The following FUBP1 variants were observed in gnomAD, a reference collection of about 807,000 sequenced individuals.
FUBP1 encodes the protein far upstream element-binding protein 1.
A neutral mutation model predicts 94.9 loss-of-function variants in FUBP1; 16 were observed. The observed-to-expected ratio is 0.17, with a 90% CI of 0.11 to 0.26. The LOEUF is 0.26. FUBP1 is among the 10% of genes least tolerant of loss of function. The pLI is 1.00. For synonymous variants in FUBP1, 279 were observed against 254.9 expected (o/e 1.09, Z -0.90); for missense variants, 583 against 808.6 (o/e 0.72, Z 3.38).
rs985923909 is a variant in FUBP1 at position 77,954,116 on chromosome 1, G to A, written c.1780+1139C>T. Among the ~76,000 whole-genome samples, 7 of 152,084 alleles carry A rather than the reference G, an allele frequency of 4.6e-5. 1 individual carries two copies. In the East Asian group the frequency reaches 1.2e-3, roughly 25 times the overall value. ...GCTGGGACTACAAGTGTGTGCCACC[G>A]CACGTGGCTCATGCTCAAGTCTTTT... On this transcript the variant is annotated intron_variant, in intron 18 of 19. Transcript: ENST00000370768.
Position 77,978,874 on chromosome 1 carries a change from T to C in FUBP1, c.120+11A>G, listed in dbSNP as rs1210236348. The C allele has an allele frequency of 6.2e-7, 1 of 1,613,836 alleles. No homozygotes were observed. Among genetic ancestry groups the C allele is most frequent in the Non-Finnish European group, 8.5e-7 (1 of 1,179,992 alleles). On this transcript the variant is annotated intron_variant, in intron 1 of 19. Coordinates refer to ENST00000370768, the MANE Select transcript of FUBP1 (RefSeq NM_003902.5). ...GAGCTTTCGGGATTCCGCCGCGCGG[T>C]CCACACTTACCTGCCGGGCTCTCTG...
In FUBP1 at chr1:77,964,928, G is replaced by A. The variant is rs953338703; in HGVS notation, c.677C>T (p.Pro226Leu). Residue 226 changes from proline (P) to leucine (L), a missense_variant, in exon 9 of 20, where the codon CCG becomes CTG. Coordinates refer to ENST00000370768, the MANE Select transcript of FUBP1 (RefSeq NM_003902.5). ...AGGTTTGTCAGCACCAGTGTTCTGC[G>A]GCCCGTCTTGAATCATAACCATTTT... ...GVKMVMIQDG[P>L]QNTGADKPLR... The A allele has an allele frequency of 5.0e-6, 8 of 1,612,314 alleles. No individual in the cohort carries two copies. Among genetic ancestry groups the A allele is most frequent in the East Asian group, 2.2e-5 (1 of 44,888 alleles).
chr1:77,971,049 A>C (rs1386120573), intron 1 of FUBP1, among the ~76,000 whole-genome samples: 9 of 151,982 alleles, frequency 5.9e-5, no homozygotes, highest in African/African-American at 2.2e-4. Context: ...ACAAAACAAA[A>C]AAAATAAAAA....
At chr1:77,948,997 C>A in intron 19 of FUBP1, 158 bp downstream of exon 19, 3 of 921,944 alleles carry the variant, frequency 3.3e-6, no homozygotes, top group African/African-American at 1.7e-5. Flanking sequence ...TTATAAAAAA[C>A]AAAAAAACCC....
intron 14 of FUBP1, among the ~76,000 whole-genome samples, chr1:77,961,512 T>C (rs878887672): frequency 6.6e-6 from 1 of 152,186 alleles, no homozygotes; most frequent in Admixed American, 6.5e-5. Context: ...ACATGAACAT[T>C]CATTTAATCC....
At chr1:77,958,477 TATA>T (rs760389761) in intron 16 of FUBP1, among the ~76,000 whole-genome samples, 4 of 152,340 alleles carry the variant, frequency 2.6e-5, no homozygotes, top group East Asian at 1.9e-4. Flanking sequence ...TTTTAGTTCA[TATA>T]ATATTAAAAC....
chr1:77,954,106 G>T (rs1057129603), intron 18 of FUBP1, among the ~76,000 whole-genome samples: 1 of 152,166 alleles, frequency 6.6e-6, no homozygotes, highest in Non-Finnish European at 1.5e-5. Context: ...GACTACAAGT[G>T]TGTGCCACCG....
Position 77,947,364 on chromosome 1 carries a change from T to G in FUBP1, c.*1402A>C. 2.1e-6 allele frequency: 1 copy of G among 468,284 alleles called. No individual in the cohort carries two copies. The highest frequency in any genetic ancestry group is 4.2e-6 in the Non-Finnish European group (1 of 238,750). The allele number at this position is 468,284 out of a possible 1,614,324, so 29.0% of individuals were successfully genotyped here. On this transcript the variant is annotated 3_prime_UTR_variant, in exon 20 of 20. Transcript: ENST00000370768. ...ATCAGCACTGTATTCCAACATAATA[T>G]TCACACAACGTATGGCATTTGCATT...
At chr1:77,969,205 G>C in intron 2 of FUBP1, 1 of 286,724 alleles carries the variant, frequency 3.5e-6, no homozygotes, top group Non-Finnish European at 7.6e-6. Flanking sequence ...AGGAAACCAA[G>C]TTCTCCTGGT....
At chr1:77,953,187 G>A (rs1410758801) in intron 18 of FUBP1, among the ~76,000 whole-genome samples, 1 of 150,424 alleles carries the variant, frequency 6.6e-6, no homozygotes, top group Admixed American at 6.7e-5. Context: ...AATCTGTTTT[G>A]CTCATAAAAT....
At chr1:77,976,646 AC>A (rs1461927953) in intron 1 of FUBP1, among the ~76,000 whole-genome samples, 2 of 152,128 alleles carry the variant, frequency 1.3e-5, no homozygotes, top group East Asian at 3.9e-4. Flanking sequence ...GGCACAGGCC[AC>A]CAAGCCCGGC....
chr1:77,968,342 A>G, intron 2 of FUBP1, 139 bp from the exon 3 acceptor site: 1 of 606,674 alleles, frequency 1.6e-6, no homozygotes, highest in Non-Finnish European at 2.9e-6. Flanking sequence ...AACTGCCAAA[A>G]TTCAACCCCA....
rs936903824 is a variant in FUBP1, at chr1:77,962,919, T to C, written c.1195A>G (p.Ile399Val). 1 of 1,611,598 alleles carries C rather than the reference T, an allele frequency of 6.2e-7. No individual in the cohort carries two copies. Among genetic ancestry groups the C allele is most frequent in the East Asian group, 2.2e-5 (1 of 44,842 alleles). ...CCAGACTGCTGGCTTATGCTTTTTA[T>C]GGTTTCACCTCCTAAAATCAAAAGA... The part of the protein sequence containing the change: ...GLIIGKGGET[I>V]KSISQQSGAR... Residue 399 changes from isoleucine to valine, a missense_variant, in exon 14 of 20, where the codon ATA (isoleucine) becomes GTA (valine). Transcript: ENST00000370768.
rs368288620 is a variant in FUBP1, at chr1:77,956,555, A to G, written c.1705+17T>C. 96 of 1,603,824 alleles carry G rather than the reference A, an allele frequency of 6.0e-5. No homozygotes were observed. Among genetic ancestry groups the G allele is most frequent in the South Asian group, 1.4e-4 (13 of 90,408 alleles). ...GCACAACTTTTGGCTTTCACATACAATAAGTTCTGTAGTTACCTTGTCCAT... is the reference window on the plus strand; with the variant it reads ...GCACAACTTTTGGCTTTCACATACAGTAAGTTCTGTAGTTACCTTGTCCAT... On this transcript the variant is annotated intron_variant, in intron 17 of 19. Coordinates refer to ENST00000370768, the MANE Select transcript of FUBP1 (RefSeq NM_003902.5).
chr1:77,970,534 A>G (rs1453785521), intron 1 of FUBP1, among the ~76,000 whole-genome samples: 1 of 152,214 alleles, frequency 6.6e-6, no homozygotes, highest in Non-Finnish European at 1.5e-5. Context: ...TATATTAAGC[A>G]CATGCAAAGG....
In FUBP1 at chr1:77,964,763, T is replaced by G. The variant is rs755036225; in HGVS notation, c.736-16A>C. ...CCTTGGCTTGCTAAAGCAGAAAAAG[T>G]TAGCTAATTTAGAAAGCATGTCTCA... On this transcript the variant is annotated splice_polypyrimidine_tract_variant and intron_variant, in intron 9 of 19. Coordinates refer to ENST00000370768, the MANE Select transcript of FUBP1 (RefSeq NM_003902.5). 3 of 1,573,480 alleles carry G rather than the reference T, an allele frequency of 1.9e-6. No individual in the cohort carries two copies. The South Asian group carries it at 3.3e-5, about 17-fold the overall frequency.
rs1432924122 is a variant in FUBP1, at chr1:77,947,725, T to G, written c.*1041A>C. 2.9e-5 allele frequency: 16 copies of G among 558,150 alleles called. No homozygotes were observed. The highest frequency in any genetic ancestry group is 2.7e-4 in the South Asian group (14 of 52,334). 34.6% of individuals were successfully genotyped at this position (558,150 alleles called of 1,614,324 possible). The stretch of plus-strand genomic sequence containing the variant: ...ACTTCAAGTACATAAAAAAATTAAG[T>G]TGATTCAATGATTGGACTTGTGCAT... On this transcript the variant is annotated 3_prime_UTR_variant, in exon 20 of 20. Coordinates refer to ENST00000370768, the MANE Select transcript of FUBP1 (RefSeq NM_003902.5).
intron 18 of FUBP1, among the ~76,000 whole-genome samples, chr1:77,950,636 G>A (rs760884616): frequency 2.7e-4 from 41 of 152,226 alleles, no homozygotes; most frequent in Admixed American, 3.3e-4. Flanking sequence ...AAAAAATTGA[G>A]AAGAGAGAGT....
At chr1:77,962,678 T>A in intron 14 of FUBP1, 92 bp downstream of exon 14, 1 of 694,466 alleles carries the variant, frequency 1.4e-6, no homozygotes, top group South Asian at 2.3e-5. Context: ...CTAGTAATGA[T>A]ACATTTTCCT....
Sources: allele counts gnomAD v4.1 joint callset (sites outside exome capture counted in the v4.1 genomes callset), GRCh38; gene constraint gnomAD v4.1.1; transcripts MANE v1.5; gene names NCBI Gene and HGNC (gene_info 2026-07-23, HGNC 2026-07-21).